Variants in ADAMTSL3 observed in about 807,000 individuals in gnomAD.
ADAMTSL3 encodes ADAMTS like 3.
A neutral mutation model predicts 201.7 loss-of-function variants in ADAMTSL3; 128 were observed. The ratio of observed to expected loss-of-function variants is 0.63; its 90% CI spans 0.55 to 0.73. ADAMTSL3 has a LOEUF of 0.73. ADAMTSL3 is among the 30% of genes least tolerant of loss of function. The pLI is 0.00. For missense variants in ADAMTSL3, 1,990 were observed against 2,119.6 expected (o/e 0.94, Z 1.20); for synonymous variants, 738 against 748.4 (o/e 0.99, Z 0.23).
At chr15:83,918,691 A>T (rs996146009) in intron 16 of ADAMTSL3, among the ~76,000 whole-genome samples, 1 of 152,224 alleles carries the variant, frequency 6.6e-6, no homozygotes, top group Non-Finnish European at 1.5e-5. Flanking sequence ...CCAGACAATT[A>T]TGGCCTTACA....
chr15:83,977,759 G>A (rs1290460553), intron 20 of ADAMTSL3, among the ~76,000 whole-genome samples: 2 of 152,214 alleles, frequency 1.3e-5, no homozygotes, highest in Non-Finnish European at 2.9e-5. Context: ...TTAATGTGGT[G>A]TTGGGAGCAG....
At chr15:83,815,361 T>C (rs1324288307) in intron 5 of ADAMTSL3, among the ~76,000 whole-genome samples, 2 of 152,244 alleles carry the variant, frequency 1.3e-5, no homozygotes, top group Non-Finnish European at 2.9e-5. Flanking sequence ...AGAAGCTACA[T>C]CTCCAATAAG....
intron 9 of ADAMTSL3, among the ~76,000 whole-genome samples, chr15:83,881,836 C>G (rs1306688081): frequency 2.0e-5 from 3 of 150,372 alleles, no homozygotes; most frequent in Non-Finnish European, 4.4e-5. Flanking sequence ...GCCTGAGTAA[C>G]AGAGCGAGAC....
chr15:83,787,463 T>C (rs569481862), intron 4 of ADAMTSL3, among the ~76,000 whole-genome samples: 15 of 152,330 alleles, frequency 9.8e-5, no homozygotes, highest in Non-Finnish European at 2.1e-4. Flanking sequence ...GGTAATTCTA[T>C]GAAGAATATT....
chr15:83,918,956 G>A (rs1218253434), intron 16 of ADAMTSL3, among the ~76,000 whole-genome samples: 1 of 152,096 alleles, frequency 6.6e-6, no homozygotes, highest in African/African-American at 2.4e-5. Flanking sequence ...GAGACATGTA[G>A]GAGATAAAAG....
chr15:83,928,190 T>C (rs1278532136), intron 17 of ADAMTSL3, among the ~76,000 whole-genome samples: 1 of 152,072 alleles, frequency 6.6e-6, no homozygotes, highest in East Asian at 1.9e-4. Context: ...TTCTCTGTCA[T>C]CTAAGCTGGA....
At chr15:83,818,756 A>G (rs184259048) in intron 5 of ADAMTSL3, among the ~76,000 whole-genome samples, 1 of 152,356 alleles carries the variant, frequency 6.6e-6, no homozygotes, top group East Asian at 1.9e-4. Flanking sequence ...GGGCGGAATC[A>G]GTAATTTAGT....
rs758640948 is a variant in ADAMTSL3, at chr15:83,702,750, C to T, written c.70-1639C>T. Reference sequence around the variant, plus strand: ...CCCAGGCAAAAGTTTGCTGCAGGGGCGGGGCCCTCATGAAGAACCTGTGCA... The same window carrying T: ...CCCAGGCAAAAGTTTGCTGCAGGGGTGGGGCCCTCATGAAGAACCTGTGCA... On this transcript the variant is annotated intron_variant, in intron 2 of 29. Coordinates refer to ENST00000286744, the MANE Select transcript of ADAMTSL3 (RefSeq NM_207517.3). Among the ~76,000 whole-genome samples, 83 of 152,150 alleles carry T rather than the reference C, an allele frequency of 5.5e-4. 1 individual carries two copies. The highest frequency in any genetic ancestry group is 4.2e-4 in the South Asian group (2 of 4,812).
intron 2 of ADAMTSL3, among the ~76,000 whole-genome samples, chr15:83,664,004 C>T (rs975851186): frequency 5.9e-5 from 9 of 152,180 alleles, no homozygotes; most frequent in Non-Finnish European, 8.8e-5. Flanking sequence ...TTTGCCCTCC[C>T]GTCTGTCCCT....
intron 6 of ADAMTSL3, among the ~76,000 whole-genome samples, chr15:83,826,527 A>AT (rs2064026057): frequency 6.6e-6 from 1 of 151,486 alleles, no homozygotes; most frequent in South Asian, 2.1e-4. Context: ...TAAAAAAATT[A>AT]TACTTTAAGT....
intron 4 of ADAMTSL3, among the ~76,000 whole-genome samples, chr15:83,800,192 C>A (rs1002814069): frequency 3.9e-5 from 6 of 152,148 alleles, no homozygotes; most frequent in African/African-American, 1.4e-4. Context: ...ATATCCATAT[C>A]CTGGTACATA....
chr15:83,845,474 G>C (rs1674275275), intron 7 of ADAMTSL3, among the ~76,000 whole-genome samples: 2 of 152,184 alleles, frequency 1.3e-5, no homozygotes, highest in Non-Finnish European at 2.9e-5. Context: ...GCCAAAGACT[G>C]GGGTAATAAC....
rs541998091 is a variant in ADAMTSL3, at chr15:83,870,548, C to T, written c.803-254C>T. Among the ~76,000 whole-genome samples, 85 of 152,248 alleles carry T rather than the reference C, an allele frequency of 5.6e-4. 1 individual carries two copies. The South Asian group carries it at 0.016, about 28-fold the overall frequency. The stretch of plus-strand genomic sequence containing the variant: ...ATAAAGAAAGAAAAGTTTTCTCTTT[C>T]CCCTTATGCTAGAAATGGCTCCAAA... On this transcript the variant is annotated intron_variant, in intron 8 of 29. Transcript: ENST00000286744.
chr15:83,861,177 G>GTGCC (rs1289741807), intron 8 of ADAMTSL3, among the ~76,000 whole-genome samples: 3 of 151,936 alleles, frequency 2.0e-5, no homozygotes. Context: ...CCACCTAGGG[G>GTGCC]TGCCTGCCTG....
chr15:83,823,972 T>TCTTCTTCTC (rs1567170062), intron 6 of ADAMTSL3, among the ~76,000 whole-genome samples: 13 of 71,198 alleles, frequency 1.8e-4, no homozygotes, highest in African/African-American at 3.7e-4. Context: ...TTCTTCTTCT[T>TCTTCTTCTC]CTCCTCCTCC....
In ADAMTSL3 at chr15:83,699,223, A is replaced by G. The variant is rs556514945; in HGVS notation, c.70-5166A>G. Among the ~76,000 whole-genome samples the G allele has an allele frequency of 6.5e-4, 99 of 152,214 alleles. 2 individuals carry two copies. The South Asian group carries it at 0.02, about 31-fold the overall frequency. On this transcript the variant is annotated intron_variant, in intron 2 of 29. Coordinates refer to ENST00000286744, the MANE Select transcript of ADAMTSL3 (RefSeq NM_207517.3). ...ACTTGCATATTGAATGGCAAACTCA[A>G]GCTCTTCACATGGATGTTTTATGGA...
chr15:83,739,892 C>T, intron 3 of ADAMTSL3: 1 of 591,918 alleles, frequency 1.7e-6, no homozygotes, highest in South Asian at 1.4e-5. Context: ...CGACCAGATG[C>T]CAGTGACAAG....
intron 2 of ADAMTSL3, among the ~76,000 whole-genome samples, chr15:83,693,726 T>C (rs1261530804): frequency 6.6e-6 from 1 of 152,238 alleles, no homozygotes; most frequent in Non-Finnish European, 1.5e-5. Flanking sequence ...TTCTCTATTA[T>C]GTTTATTTCT....
chr15:83,942,585 T>G lies in ADAMTSL3; in HGVS notation c.2118-11T>G. The G allele has an allele frequency of 6.2e-7, 1 of 1,606,056 alleles. No individual in the cohort carries two copies. The highest frequency in any genetic ancestry group is 8.5e-7 in the Non-Finnish European group (1 of 1,176,250). On this transcript the variant is annotated splice_polypyrimidine_tract_variant and intron_variant, in intron 17 of 29. Transcript: ENST00000286744. Reference sequence around the variant, plus strand: ...GACTGTTCAACTTTCCCCACTTGTTTTCTGTTTTAGGTGGCATGTGGGCTC... The same window carrying G: ...GACTGTTCAACTTTCCCCACTTGTTGTCTGTTTTAGGTGGCATGTGGGCTC...
Sources: allele counts gnomAD v4.1 joint callset (sites outside exome capture counted in the v4.1 genomes callset), GRCh38; gene constraint gnomAD v4.1.1; transcripts MANE v1.5; gene names NCBI Gene and HGNC (gene_info 2026-07-23, HGNC 2026-07-21).